Variants in RPTOR observed in about 807,000 individuals in gnomAD.
The protein encoded by RPTOR is regulatory-associated protein of mTOR.
RPTOR carries 21 observed loss-of-function variants against 169.9 expected under a neutral mutation model. The ratio of observed to expected loss-of-function variants is 0.12; its 90% CI spans 0.09 to 0.18. RPTOR has a LOEUF of 0.18. Ranked by LOEUF, RPTOR falls within the 10% of genes least tolerant of loss-of-function variation. The probability of loss-of-function intolerance (pLI) is 1.00; values close to 1 mark genes in which losing one functional copy is unlikely to be tolerated. For synonymous variants in RPTOR, 732 were observed against 753.2 expected, an observed-to-expected ratio of 0.97 and a Z score of 0.46; for missense variants, 1,133 against 1,855.9, an observed-to-expected ratio of 0.61 and a Z score of 7.16.
rs1345783210 is a variant in RPTOR at position 80,730,776 on chromosome 17, G to A, written c.654+70G>A. The A allele has an allele frequency of 4.4e-6, 5 of 1,143,108 alleles. 1 individual carries two copies. The highest frequency in any genetic ancestry group is 5.1e-6 in the Non-Finnish European group (4 of 787,426). The allele number at this position is 1,143,108 out of a possible 1,614,324, so 70.8% of individuals were successfully genotyped here. A position where few individuals can be genotyped will look rare whatever the true frequency, so the allele number is the denominator to read the frequency against. ...TTTTCCCTGGGGGTGGGGTTTGGGT[G>A]GGGAGGTTGGGAGGTGTTGGACATC... is the stretch of plus-strand genomic sequence containing the variant. On this transcript the variant is annotated intron_variant, in intron 5 of 33. Coordinates refer to ENST00000306801, the MANE Select transcript of RPTOR (RefSeq NM_020761.3). The surrounding 1 kb of genome is among the most constrained non-coding windows in gnomAD (Gnocchi z 4.2).
At chr17:80,838,598 C>T (rs1346177890) in intron 10 of RPTOR, among the ~76,000 whole-genome samples, 1 of 152,220 alleles carries the variant, frequency 6.6e-6, no homozygotes, top group East Asian at 1.9e-4. Flanking sequence ...AGACGGAGGC[C>T]CTGCCCTCCA....
chr17:80,839,000 G>A (rs1392053968), intron 10 of RPTOR, among the ~76,000 whole-genome samples: 2 of 152,248 alleles, frequency 1.3e-5, no homozygotes, highest in Non-Finnish European at 1.5e-5. Flanking sequence ...ACTGATGTGA[G>A]GATGCCACCC....
At chr17:80,548,204 C>T (rs2084301295) in intron 1 of RPTOR, among the ~76,000 whole-genome samples, 2 of 150,500 alleles carry the variant, frequency 1.3e-5, no homozygotes, top group South Asian at 2.1e-4. Context: ...TCACCTCAGC[C>T]TCCCCAGTAG....
At chr17:80,868,672 A>T (rs1195293681) in intron 13 of RPTOR, among the ~76,000 whole-genome samples, 3 of 152,248 alleles carry the variant, frequency 2.0e-5, no homozygotes, top group Non-Finnish European at 4.4e-5. Context: ...AGGCTTGTAC[A>T]TGAATGTTCC....
chr17:80,784,329 G>GT (rs1221148482), intron 6 of RPTOR, among the ~76,000 whole-genome samples: 10 of 152,040 alleles, frequency 6.6e-5, no homozygotes, highest in Non-Finnish European at 7.4e-5. Flanking sequence ...AGTTCTTTGG[G>GT]TTTTTTTTAA....
chr17:80,652,169 TAA>T (rs761547941), intron 3 of RPTOR, among the ~76,000 whole-genome samples: 13 of 139,274 alleles, frequency 9.3e-5, no homozygotes, highest in Non-Finnish European at 9.5e-5. Context: ...GACTCCATCT[TAA>T]AAAAAAAAAA....
rs2066158862 is a variant in RPTOR, at chr17:80,708,567, G to C, written c.507+568G>C. ...GCTGACTGTCATCCCCATCCTCCAG[G>C]GTGTGGTGGGTGCTGACTGTTGTCC... On this transcript the variant is annotated intron_variant, in intron 4 of 33. Coordinates refer to ENST00000306801, the MANE Select transcript of RPTOR (RefSeq NM_020761.3). The surrounding 1 kb of genome is among the most constrained non-coding windows in gnomAD (Gnocchi z 4.2). Among the ~76,000 whole-genome samples the C allele has an allele frequency of 6.6e-6, 1 of 151,170 alleles. No individual in the cohort carries two copies. Among genetic ancestry groups the C allele is most frequent in the Non-Finnish European group, 1.5e-5 (1 of 67,874 alleles).
intron 4 of RPTOR, among the ~76,000 whole-genome samples, chr17:80,711,239 T>C (rs1166179364): frequency 6.6e-6 from 1 of 152,234 alleles, no homozygotes; most frequent in Non-Finnish European, 1.5e-5. Flanking sequence ...TGATTATTCC[T>C]GTGAGGAGTT....
chr17:80,828,668 A>G (rs749897894), intron 9 of RPTOR, among the ~76,000 whole-genome samples: 3 of 152,202 alleles, frequency 2.0e-5, no homozygotes, highest in African/African-American at 4.8e-5. Context: ...AACCAATGTG[A>G]CCTGGCTTAG....
Position 80,923,585 on chromosome 17 carries a change from G to T in RPTOR, c.2720G>T (p.Gly907Val). ...VSRDLPSGRP[G>V]TTGPAGAQYT... The stretch of plus-strand genomic sequence containing the variant: ...CGAGACTTGCCTTCTGGCCGGCCGG[G>T]CACCACAGGCCCCGCTGGGGCGCAG... The change falls in exon 23 of 34, where the codon GGC becomes GTC. Residue 907 changes from glycine (G) to valine (V), a missense_variant. Physicochemically the swap from Gly to Val is moderately radical, Grantham distance 109 (BLOSUM62 -3). Coordinates refer to ENST00000306801, the MANE Select transcript of RPTOR (RefSeq NM_020761.3). 1 of 1,613,364 alleles carries T rather than the reference G, an allele frequency of 6.2e-7. No individual in the cohort carries two copies. Among genetic ancestry groups the T allele is most frequent in the Non-Finnish European group, 8.5e-7 (1 of 1,179,964 alleles).
At chr17:80,939,173 G>C (rs1231180200) in intron 24 of RPTOR, among the ~76,000 whole-genome samples, 1 of 152,154 alleles carries the variant, frequency 6.6e-6, no homozygotes, top group Non-Finnish European at 1.5e-5. Flanking sequence ...TCTTAGCAAG[G>C]AACAGAATTA....
chr17:80,919,589 C>T (rs2068720017), intron 21 of RPTOR, among the ~76,000 whole-genome samples: 1 of 152,212 alleles, frequency 6.6e-6, no homozygotes, highest in Non-Finnish European at 1.5e-5. Context: ...TGAGGTGGCG[C>T]TCCCGGAACA....
chr17:80,782,957 C>T (rs888161528), intron 6 of RPTOR, among the ~76,000 whole-genome samples: 9 of 152,282 alleles, frequency 5.9e-5, no homozygotes, highest in Middle Eastern at 3.4e-3. Flanking sequence ...TCCTCCAGGG[C>T]AAGGCACACC....
In RPTOR at chr17:80,965,320, A is replaced by C. The variant is rs532165835; in HGVS notation, c.*990A>C. ...CTGTCCCCACACGTTCCTCACATACAGGCAAGAGGCACTGCCGGGTCCCGG... is the reference window on the plus strand; with the variant it reads ...CTGTCCCCACACGTTCCTCACATACCGGCAAGAGGCACTGCCGGGTCCCGG... On this transcript the variant is annotated 3_prime_UTR_variant, in exon 34 of 34. Coordinates refer to ENST00000306801, the MANE Select transcript of RPTOR (RefSeq NM_020761.3). 2 of 233,088 alleles carry C rather than the reference A, an allele frequency of 8.6e-6. No homozygotes were observed. Among genetic ancestry groups the C allele is most frequent in the Non-Finnish European group, 1.7e-5 (2 of 118,014 alleles). 14.4% of individuals were successfully genotyped at this position (233,088 alleles called of 1,614,324 possible). A position where few individuals can be genotyped will look rare whatever the true frequency, so the allele number is the denominator to read the frequency against.
intron 1 of RPTOR, among the ~76,000 whole-genome samples, chr17:80,552,834 A>C (rs1169354902): frequency 6.6e-6 from 1 of 152,236 alleles, no homozygotes; most frequent in Non-Finnish European, 1.5e-5. Context: ...AACAAAACAA[A>C]ACTGTATCAT....
rs2065702269 is a variant in RPTOR at position 80,659,210 on chromosome 17, T to C, written c.348+15400T>C. Among the ~76,000 whole-genome samples the C allele has an allele frequency of 6.6e-6, 1 of 152,174 alleles. No homozygotes were observed. The highest frequency in any genetic ancestry group is 1.5e-5 in the Non-Finnish European group (1 of 68,038). ...TTAGGAGAGGGAAGAGCTGCACTCA[T>C]GCACACAGGGTGACCCTGGGTGAAA... On this transcript the variant is annotated intron_variant, in intron 3 of 33. Coordinates refer to ENST00000306801, the MANE Select transcript of RPTOR (RefSeq NM_020761.3). The surrounding 1 kb of genome is among the most constrained non-coding windows in gnomAD (Gnocchi z 4.3).
intron 13 of RPTOR, among the ~76,000 whole-genome samples, chr17:80,863,488 A>G (rs1010260110): frequency 9.2e-5 from 14 of 152,256 alleles, no homozygotes; most frequent in African/African-American, 3.1e-4. Flanking sequence ...TCTACTCTAC[A>G]TATTCAAAAA....
chr17:80,744,871 T>C (rs374469102), intron 5 of RPTOR, among the ~76,000 whole-genome samples: 588 of 52,806 alleles, frequency 0.011, 19 homozygotes, highest in East Asian at 0.025. Flanking sequence ...ACTGTCCTGG[T>C]TACGAGCACA....
chr17:80,574,141 T>G (rs1210110866), intron 1 of RPTOR, among the ~76,000 whole-genome samples: 2 of 146,510 alleles, frequency 1.4e-5, no homozygotes, highest in African/African-American at 2.6e-5. Flanking sequence ...TTTAAGATGG[T>G]TTTTTTTTTC....
Sources: allele counts gnomAD v4.1 joint callset (sites outside exome capture counted in the v4.1 genomes callset), GRCh38; gene constraint gnomAD v4.1.1; non-coding constraint Gnocchi (gnomAD v3.1); transcripts MANE v1.5; gene names NCBI Gene and HGNC (gene_info 2026-07-23, HGNC 2026-07-21).